The following SIRPG variants were observed in gnomAD, a reference collection of about 807,000 sequenced individuals.
SIRPG encodes signal-regulatory protein gamma.
Under a neutral mutation model 35.7 loss-of-function variants are expected in SIRPG, and 38 were observed. That is an observed-to-expected ratio of 1.06 (90% CI 0.82 to 1.40). The LOEUF is 1.40. SIRPG is among the 40% of genes most tolerant of loss of function. The pLI is 0.00. For missense variants in SIRPG, 519 were observed against 483.0 expected (o/e 1.07, Z -0.70); for synonymous variants, 215 against 190.4 (o/e 1.13, Z -1.06).
intron 1 of SIRPG, among the ~76,000 whole-genome samples, chr20:1,652,564 T>A (rs1181035021): frequency 6.6e-6 from 1 of 152,146 alleles, no homozygotes; most frequent in Non-Finnish European, 1.5e-5. Flanking sequence ...AGACAAACAA[T>A]ATGGTATTCT....
At position 1,636,519 on chromosome 20, in the gene SIRPG, A is replaced by G; in HGVS notation, c.431-14T>C. The G allele has an allele frequency of 6.2e-7, 1 of 1,613,610 alleles. No homozygotes were observed. Among genetic ancestry groups the G allele is most frequent in the Non-Finnish European group, 8.5e-7 (1 of 1,179,504 alleles). On this transcript the variant is annotated splice_polypyrimidine_tract_variant and intron_variant, in intron 2 of 5. Coordinates refer to ENST00000303415, the MANE Select transcript of SIRPG (RefSeq NM_018556.4). ...CAGAGGGTTTGGCTACAAAAGGGGC[A>G]TCGATAAACAGGAGACATGACTGAG...
Position 1,636,231 on chromosome 20 carries a change from C to T in SIRPG, c.705G>A (p.Gly235=). Reference sequence around the variant, plus strand: ...AGTTGGCAGTCCCACGAAGAGGGTCCCCCTGCAAGGTGACATGGGCCACCT... The same window carrying T: ...AGTTGGCAGTCCCACGAAGAGGGTCTCCCTGCAAGGTGACATGGGCCACCT... ...ICEVAHVTLQ[G]DPLRGTANLS... is the part of the protein sequence containing the mutation. The change falls in exon 3 of 6, where the codon GGG becomes GGA. Residue 235 remains glycine (G), a synonymous_variant. Transcript: ENST00000303415. The T allele has an allele frequency of 6.2e-7, 1 of 1,614,160 alleles. No homozygotes were observed. The highest frequency in any genetic ancestry group is 8.5e-7 in the Non-Finnish European group (1 of 1,180,014).
chr20:1,636,734 G>A (rs563131736), intron 2 of SIRPG, among the ~76,000 whole-genome samples: 2 of 152,224 alleles, frequency 1.3e-5, no homozygotes, highest in African/African-American at 4.8e-5. Context: ...GGGAAGTCCA[G>A]GTCTGAGTTC....
rs1189285657 is a variant in SIRPG, at chr20:1,629,495, G to C, written c.*144C>G. 6.6e-5 allele frequency: 10 copies of C among 152,428 alleles called. No homozygotes were observed. Among genetic ancestry groups the C allele is most frequent in the Admixed American group, 5.9e-4 (9 of 15,284 alleles). The allele number at this position is 152,428 out of a possible 1,614,324, so 9.4% of individuals were successfully genotyped here. On this transcript the variant is annotated 3_prime_UTR_variant, in exon 6 of 6. Transcript: ENST00000303415. ...AAGGAGCAACAGGAGCCTGTGGGCA[G>C]GCAGATGTCTTGGGAGGGGAGATGT...
chr20:1,645,002 T>C (rs2091886781), intron 2 of SIRPG, among the ~76,000 whole-genome samples: 1 of 152,222 alleles, frequency 6.6e-6, no homozygotes, highest in Non-Finnish European at 1.5e-5. Flanking sequence ...GGCCCTGTCC[T>C]GCGTGACATC....
chr20:1,675,225 G>A, the SIRPG span, among the ~76,000 whole-genome samples: 1 of 152,068 alleles, frequency 6.6e-6, no homozygotes, highest in African/African-American at 2.4e-5. Flanking sequence ...CACCAAGAAG[G>A]GGTGGGCACG....
the SIRPG span, among the ~76,000 whole-genome samples, chr20:1,677,951 G>A: frequency 6.6e-6 from 1 of 152,124 alleles, no homozygotes; most frequent in Non-Finnish European, 1.5e-5. Flanking sequence ...CACATGCAGA[G>A]TAACTGTGAG....
chr20:1,629,555 C>T lies in SIRPG; in HGVS notation c.*84G>A, dbSNP rs2281807. 0.16 allele frequency: 24,054 copies of T among 152,250 alleles called. 2,429 individuals carry two copies. The highest frequency in any genetic ancestry group is 0.28 in the Admixed American group (4,244 of 15,280). 9.4% of individuals were successfully genotyped at this position (152,250 alleles called of 1,614,324 possible). On this transcript the variant is annotated 3_prime_UTR_variant, in exon 6 of 6. Transcript: ENST00000303415. ...AGTCTAGAGAAGCTTCTCACTGGCT[C>T]ATTCTCTCAAGCTGAGCCTCTCAGG... is the stretch of plus-strand genomic sequence containing the variant.
At chr20:1,672,275 G>A in the SIRPG span, among the ~76,000 whole-genome samples, 6 of 152,012 alleles carry the variant, frequency 3.9e-5, no homozygotes, top group East Asian at 1.9e-4. Context: ...CCCAAATTTC[G>A]TGAATACACC....
In SIRPG at chr20:1,630,657, G is replaced by A. The variant is rs182398325; in HGVS notation, c.1082-351C>T. The stretch of plus-strand genomic sequence containing the variant: ...TCTGCTAGGGAAACTGAGGCCCATG[G>A]ATTTTAGGGAGGGTCACAAGGTTAC... On this transcript the variant is annotated intron_variant, in intron 4 of 5. Coordinates refer to ENST00000303415, the MANE Select transcript of SIRPG (RefSeq NM_018556.4). The A allele has an allele frequency of 1.2e-4, 28 of 241,218 alleles. No individual in the cohort carries two copies. The East Asian group carries it at 3.8e-3, about 33-fold the overall frequency. 14.9% of individuals were successfully genotyped at this position (241,218 alleles called of 1,614,324 possible).
At chr20:1,660,219 G>GA (rs1334976482), upstream of SIRPG, among the ~76,000 whole-genome samples, 1 of 152,046 alleles carries the variant, frequency 6.6e-6, no homozygotes, top group Non-Finnish European at 1.5e-5. Context: ...AATCAGTGCT[G>GA]AAATTTTTTA....
chr20:1,655,445 T>C (rs1001148512), intron 1 of SIRPG, among the ~76,000 whole-genome samples: 1 of 152,040 alleles, frequency 6.6e-6, no homozygotes, highest in Non-Finnish European at 1.5e-5. Flanking sequence ...AAACACTGTA[T>C]GATTTCACGT....
At chr20:1,668,990 A>G in the SIRPG span, among the ~76,000 whole-genome samples, 1 of 152,352 alleles carries the variant, frequency 6.6e-6, no homozygotes, top group South Asian at 2.1e-4. Flanking sequence ...GTCTTAGGGC[A>G]TGCAGGAGGA....
rs35561366 is a variant in SIRPG at position 1,649,629 on chromosome 20, C to CTTTTTTT, written c.74-228_74-222dup. On this transcript the variant is annotated intron_variant, in intron 1 of 5. Transcript: ENST00000303415. ...CTGAGGCCTGAGGCACAGAGAGGTT[C>CTTTTTTT]TTTTTTTTTTTTTTTTTTTTTTTTT... Among the ~76,000 whole-genome samples, 481 of 75,782 alleles carry CTTTTTTT rather than the reference C, an allele frequency of 6.3e-3. 25 individuals are homozygous for CTTTTTTT. The highest frequency in any genetic ancestry group is 0.026 in the African/African-American group (447 of 17,510). The allele number at this position is 75,782 out of a possible 152,430, so 49.7% of individuals were successfully genotyped here. A position where few individuals can be genotyped will look rare whatever the true frequency, so the allele number is the denominator to read the frequency against.
the SIRPG span, among the ~76,000 whole-genome samples, chr20:1,677,897 A>G: frequency 6.6e-6 from 1 of 152,146 alleles, no homozygotes; most frequent in Non-Finnish European, 1.5e-5. Flanking sequence ...TGAATTTAGT[A>G]TTTTTGCTTA....
the SIRPG span, among the ~76,000 whole-genome samples, chr20:1,664,967 G>A: frequency 6.6e-6 from 1 of 152,138 alleles, no homozygotes; most frequent in Non-Finnish European, 1.5e-5. Flanking sequence ...TAATCTAGAG[G>A]TGGCCTGTGA....
At chr20:1,651,324 T>A (rs987478594) in intron 1 of SIRPG, 6 of 152,358 alleles carry the variant, frequency 3.9e-5, no homozygotes, top group African/African-American at 1.4e-4. Flanking sequence ...CTTCTTGTCC[T>A]CCTCTTCTGT....
the SIRPG span, among the ~76,000 whole-genome samples, chr20:1,677,534 T>G: frequency 6.6e-6 from 1 of 152,198 alleles, no homozygotes; most frequent in African/African-American, 2.4e-5. Flanking sequence ...ACCATGAAGA[T>G]GCAGCTTAAA....
chr20:1,643,224 A>G (rs4814396), intron 2 of SIRPG, among the ~76,000 whole-genome samples: 104,623 of 152,018 alleles, frequency 0.69, 36,334 homozygotes, highest in East Asian at 0.85. Flanking sequence ...CATAGCTGTG[A>G]TCTTTTTACA....
Sources: allele counts gnomAD v4.1 joint callset (sites outside exome capture counted in the v4.1 genomes callset), GRCh38; gene constraint gnomAD v4.1.1; transcripts MANE v1.5; gene names NCBI Gene and HGNC (gene_info 2026-07-23, HGNC 2026-07-21).